LRRIQ1: variants seen among roughly 807,000 people sequenced by gnomAD.
LRRIQ1 encodes leucine-rich repeat- and IQ domain-containing protein 1.
A neutral mutation model predicts 211.9 loss-of-function variants in LRRIQ1; 210 were observed. The ratio of observed to expected loss-of-function variants is 0.99; its 90% CI spans 0.89 to 1.11. The LOEUF is 1.11. Ranked by LOEUF, LRRIQ1 falls within the 50% of genes most tolerant of loss-of-function variation. LRRIQ1 has a pLI of 0.00. For synonymous variants in LRRIQ1, 699 were observed against 650.1 expected, an observed-to-expected ratio of 1.08 and a Z score of -1.14; for missense variants, 2,136 against 1,939.5, an observed-to-expected ratio of 1.10 and a Z score of -1.90.
At chr12:85,190,639 G>T (rs576823845) in intron 24 of LRRIQ1, among the ~76,000 whole-genome samples, 1 of 151,540 alleles carries the variant, frequency 6.6e-6, no homozygotes, top group Non-Finnish European at 1.5e-5. Context: ...GGGCGTTTCA[G>T]ACTGATTTTA....
chr12:85,224,454 T>C (rs560116852), intron 24 of LRRIQ1, among the ~76,000 whole-genome samples: 7 of 152,288 alleles, frequency 4.6e-5, no homozygotes, highest in African/African-American at 1.4e-4. Flanking sequence ...ATTGCAGCAC[T>C]ATTCACAATA....
intron 24 of LRRIQ1, among the ~76,000 whole-genome samples, chr12:85,191,595 G>A (rs1565893271): frequency 6.6e-6 from 1 of 152,004 alleles, no homozygotes; most frequent in Non-Finnish European, 1.5e-5. Context: ...TTGTTCTGAA[G>A]TTTTAACAGT....
At position 85,245,035 on chromosome 12, in the gene LRRIQ1, G is replaced by T; in HGVS notation, c.*94G>T. 1.4e-6 allele frequency: 2 copies of T among 1,439,528 alleles called. No homozygotes were observed. The highest frequency in any genetic ancestry group is 1.8e-6 in the Non-Finnish European group (2 of 1,088,932). The allele number at this position is 1,439,528 out of a possible 1,614,324, so 89.2% of individuals were successfully genotyped here. On this transcript the variant is annotated 3_prime_UTR_variant, in exon 27 of 27. Transcript: ENST00000393217. ...AGCAACCTGAACTGCCCAAAAATGT[G>T]TATTTAAATTTTTTCTTTCTTTAAA...
intron 24 of LRRIQ1, among the ~76,000 whole-genome samples, chr12:85,205,735 A>G (rs950882991): frequency 7.9e-5 from 12 of 152,180 alleles, no homozygotes; most frequent in African/African-American, 2.4e-4. Flanking sequence ...CTGGGAAGCC[A>G]TTGAGCCATA....
chr12:85,221,204 A>G (rs1894387628), intron 24 of LRRIQ1, among the ~76,000 whole-genome samples: 1 of 152,172 alleles, frequency 6.6e-6, no homozygotes, highest in Admixed American at 6.6e-5. Flanking sequence ...ATAATAATTA[A>G]ATTAATCATG....
chr12:85,175,767 T>C (rs988907118), intron 24 of LRRIQ1, among the ~76,000 whole-genome samples: 3 of 152,208 alleles, frequency 2.0e-5, no homozygotes, highest in Middle Eastern at 3.2e-3. Flanking sequence ...TAGGGAATCC[T>C]TTCCCCATTG....
At chr12:85,077,785 A>T (rs1296735630) in intron 11 of LRRIQ1, among the ~76,000 whole-genome samples, 1 of 152,142 alleles carries the variant, frequency 6.6e-6, no homozygotes, top group Non-Finnish European at 1.5e-5. Flanking sequence ...CAGCCTGGGC[A>T]ACATAGTGAG....
intron 3 of LRRIQ1, among the ~76,000 whole-genome samples, chr12:85,043,531 C>T (rs955081938): frequency 2.0e-5 from 3 of 151,998 alleles, no homozygotes; most frequent in Non-Finnish European, 4.4e-5. Flanking sequence ...AGACATCATG[C>T]GTCATTTCTG....
intron 1 of LRRIQ1, among the ~76,000 whole-genome samples, chr12:85,259,193 C>T (rs778697926): frequency 5.3e-5 from 8 of 151,924 alleles, no homozygotes; most frequent in Non-Finnish European, 1.2e-4. Context: ...AAATCTATAA[C>T]AATAATGTTG....
At chr12:85,163,911 C>G (rs551709696) in intron 24 of LRRIQ1, among the ~76,000 whole-genome samples, 1 of 152,046 alleles carries the variant, frequency 6.6e-6, no homozygotes, top group Non-Finnish European at 1.5e-5. Context: ...GTCTGAGGAG[C>G]CTTTGACCAC....
At chr12:85,203,333 C>G (rs1893391968) in intron 24 of LRRIQ1, among the ~76,000 whole-genome samples, 1 of 152,118 alleles carries the variant, frequency 6.6e-6, no homozygotes, top group African/African-American at 2.4e-5. Flanking sequence ...TTGGGTATGT[C>G]TTTATCAGCA....
chr12:85,200,333 T>C (rs184268264), intron 24 of LRRIQ1, among the ~76,000 whole-genome samples: 5 of 152,310 alleles, frequency 3.3e-5, no homozygotes, highest in Non-Finnish European at 7.4e-5. Flanking sequence ...GCTGACATTT[T>C]GCTGAAGTTG....
chr12:85,232,854 T>C (rs866606978), intron 26 of LRRIQ1, 98 bp downstream of exon 26: 1 of 810,122 alleles, frequency 1.2e-6, no homozygotes. Flanking sequence ...TATGAAAATA[T>C]CACAACTGTA....
intron 11 of LRRIQ1, among the ~76,000 whole-genome samples, chr12:85,097,648 C>A (rs1246891849): frequency 6.6e-6 from 1 of 152,054 alleles, no homozygotes; most frequent in Non-Finnish European, 1.5e-5. Flanking sequence ...GAAAAAAATG[C>A]ATAGTCTAGT....
Position 85,055,771 on chromosome 12 carries a change from A to C in LRRIQ1, c.978A>C (p.Ala326=). 1 of 1,608,058 alleles carries C rather than the reference A, an allele frequency of 6.2e-7. No individual in the cohort carries two copies. Residue 326 remains alanine, a synonymous_variant, in exon 8 of 27, where the codon GCA becomes GCC. Coordinates refer to ENST00000393217, the MANE Select transcript of LRRIQ1 (RefSeq NM_001079910.2). ...RKAQEWKEKE[A]KIRQKEEENR... is the part of the protein sequence containing the mutation. ...CACAAGAGTGGAAGGAAAAGGAAGC[A>C]AAAATACGACAAAAGGAGGAAGAAA...
intron 19 of LRRIQ1, among the ~76,000 whole-genome samples, chr12:85,150,919 G>A (rs1890199603): frequency 6.6e-6 from 1 of 151,458 alleles, no homozygotes; most frequent in African/African-American, 2.4e-5. Context: ...GCTAAATTGA[G>A]CTTATTAACA....
chr12:85,140,878 G>T (rs1889490548), intron 19 of LRRIQ1, among the ~76,000 whole-genome samples: 1 of 151,192 alleles, frequency 6.6e-6, no homozygotes, highest in Admixed American at 6.6e-5. Context: ...ATCTAACATT[G>T]ACTTTCAAAC....
chr12:85,198,360 T>C (rs1893108451), intron 24 of LRRIQ1, among the ~76,000 whole-genome samples: 1 of 150,912 alleles, frequency 6.6e-6, no homozygotes. Flanking sequence ...GTAATTCTGT[T>C]TTAAGTTATT....
intron 11 of LRRIQ1, among the ~76,000 whole-genome samples, chr12:85,087,742 C>A (rs1884975625): frequency 6.6e-6 from 1 of 152,156 alleles, no homozygotes; most frequent in Admixed American, 6.5e-5. Flanking sequence ...TAAATGTCTT[C>A]TTTTGAGAAG....
Sources: gnomAD v4.1 joint callset for allele counts (sites outside exome capture counted in the v4.1 genomes callset) on GRCh38, gnomAD v4.1.1 for gene constraint, MANE v1.5 for transcripts, NCBI Gene and HGNC (gene_info 2026-07-23, HGNC 2026-07-21) for gene names.